The following LRRC63 variants were observed in gnomAD, a reference collection of about 807,000 sequenced individuals.
LRRC63 encodes leucine rich repeat containing 63.
A neutral mutation model predicts 49.5 loss-of-function variants in LRRC63; 40 were observed. The ratio of observed to expected loss-of-function variants is 0.81; its 90% confidence interval spans 0.63 to 1.05. LRRC63 has a LOEUF of 1.05. LRRC63 is among the 50% of genes least tolerant of loss of function. LRRC63 has a pLI of 0.00. For synonymous variants in LRRC63, 191 were observed against 221.1 expected (o/e 0.86, Z 1.21); for missense variants, 636 against 663.1 (o/e 0.96, Z 0.45).
intron 6 of LRRC63, among the ~76,000 whole-genome samples, chr13:46,249,574 T>C (rs2047317127): frequency 6.6e-6 from 1 of 151,758 alleles, no homozygotes; most frequent in Admixed American, 6.6e-5. Flanking sequence ...CTTTAGAAAA[T>C]ATGAATGGCT....
At chr13:46,229,966 T>A (rs891548964) in intron 4 of LRRC63, among the ~76,000 whole-genome samples, 1 of 151,064 alleles carries the variant, frequency 6.6e-6, no homozygotes, top group Non-Finnish European at 1.5e-5. Flanking sequence ...AGAGAGAGAG[T>A]GGTGTGCGGT....
At chr13:46,234,298 C>T in exon 5 of LRRC63, 5 of 1,550,214 alleles carry the variant, frequency 3.2e-6, no homozygotes, top group Non-Finnish European at 4.4e-6. Flanking sequence ...CCATGACCAA[C>T]CTGGCCATAG....
chr13:46,217,991 T>G (rs1448973362), intron 2 of LRRC63, among the ~76,000 whole-genome samples: 3 of 152,220 alleles, frequency 2.0e-5, no homozygotes, highest in Non-Finnish European at 4.4e-5. Flanking sequence ...TCCGTTATTT[T>G]GCATTTTCTG....
chr13:46,253,127 A>C (rs2047427311), intron 7 of LRRC63, among the ~76,000 whole-genome samples: 1 of 152,026 alleles, frequency 6.6e-6, no homozygotes, highest in African/African-American at 2.4e-5. Flanking sequence ...AGCATGGAGA[A>C]GGAGGAACAA....
At chr13:46,249,183 A>G (rs923122822) in intron 6 of LRRC63, among the ~76,000 whole-genome samples, 1 of 151,874 alleles carries the variant, frequency 6.6e-6, no homozygotes, top group Non-Finnish European at 1.5e-5. Context: ...AATCTTTTAA[A>G]AAAGAAGAAA....
At chr13:46,263,351 A>G (rs1594094581) in intron 8 of LRRC63, among the ~76,000 whole-genome samples, 1 of 151,438 alleles carries the variant, frequency 6.6e-6, no homozygotes, top group South Asian at 2.1e-4. Flanking sequence ...ATTTTTTTAT[A>G]TTTTGTAGAG....
In LRRC63 at chr13:46,255,645, A is replaced by AATATATATATATATATATATAT. The variant is rs142798828; in HGVS notation, c.1226+5175_1226+5176insTATATATATATATATATATATA. Among the ~76,000 whole-genome samples, 51 of 129,436 alleles carry AATATATATATATATATATATAT rather than the reference A, an allele frequency of 3.9e-4. 1 individual carries two copies. The highest frequency in any genetic ancestry group is 8.3e-4 in the Admixed American group (10 of 12,022). 84.9% of individuals were successfully genotyped at this position (129,436 alleles called of 152,430 possible). On this transcript the variant is annotated intron_variant, in intron 7 of 9. Coordinates refer to ENST00000595396, the Ensembl canonical transcript of LRRC63. ...GGCAACAGAGTAAGACCCTGCCTCA[A>AATATATATATATATATATATAT]ATATATATATATATATATATAGTTA...
intron 5 of LRRC63, among the ~76,000 whole-genome samples, chr13:46,241,657 G>A (rs112725614): frequency 0.012 from 1,829 of 152,152 alleles, 19 homozygotes; most frequent in Middle Eastern, 0.027. Flanking sequence ...TAAAAAGTGG[G>A]CAAAGGCCAT....
chr13:46,221,840 C>A (rs1044236892), intron 2 of LRRC63, among the ~76,000 whole-genome samples: 4 of 152,096 alleles, frequency 2.6e-5, no homozygotes, highest in Admixed American at 1.3e-4. Flanking sequence ...CCATCTCAGG[C>A]CTTGGACGTT....
chr13:46,227,819 A>G (rs1594026069), exon 3 of LRRC63: 1 of 1,550,152 alleles, frequency 6.5e-7, no homozygotes. Context: ...TGGAAAGTTC[A>G]AGAAAGTTTA....
chr13:46,220,838 C>G (rs1019529973), intron 2 of LRRC63, among the ~76,000 whole-genome samples: 3 of 152,200 alleles, frequency 2.0e-5, no homozygotes, highest in African/African-American at 7.2e-5. Flanking sequence ...CACAGTCCCT[C>G]AAGGCTTCTC....
intron 5 of LRRC63, among the ~76,000 whole-genome samples, chr13:46,241,414 C>A (rs1226018381): frequency 6.6e-6 from 1 of 152,038 alleles, no homozygotes; most frequent in Non-Finnish European, 1.5e-5. Flanking sequence ...TAGGAATGAG[C>A]AAAGATTTAA....
intron 7 of LRRC63, among the ~76,000 whole-genome samples, chr13:46,258,341 G>T (rs1363017035): frequency 6.7e-6 from 1 of 149,880 alleles, no homozygotes; most frequent in Admixed American, 6.6e-5. Context: ...ATATTGGCCA[G>T]GCTGGTCTTG....
intron 9 of LRRC63, among the ~76,000 whole-genome samples, chr13:46,267,734 T>G (rs1307638248): frequency 6.6e-6 from 1 of 152,158 alleles, no homozygotes; most frequent in African/African-American, 2.4e-5. Flanking sequence ...GGTATTAAGA[T>G]GTCAATATTC....
intron 9 of LRRC63, among the ~76,000 whole-genome samples, chr13:46,274,937 A>G (rs1484375485): frequency 6.6e-6 from 1 of 151,800 alleles, no homozygotes; most frequent in Non-Finnish European, 1.5e-5. Flanking sequence ...GAACACTAAA[A>G]CTCCTATCTA....
intron 9 of LRRC63, among the ~76,000 whole-genome samples, chr13:46,275,466 G>A (rs566972895): frequency 6.6e-6 from 1 of 151,864 alleles, no homozygotes; most frequent in Non-Finnish European, 1.5e-5. Context: ...TCTTTTCTGC[G>A]TCTTTACCAG....
intron 8 of LRRC63, among the ~76,000 whole-genome samples, chr13:46,263,171 AATTT>A (rs67913624): frequency 0.36 from 53,686 of 150,142 alleles, 9,951 homozygotes; most frequent in East Asian, 0.57. Flanking sequence ...TAAATTTTTG[AATTT>A]ATTTTATTTT....
At chr13:46,229,320 T>C (rs538174535) in intron 4 of LRRC63, among the ~76,000 whole-genome samples, 117 of 152,340 alleles carry the variant, frequency 7.7e-4, no homozygotes, top group Non-Finnish European at 1.4e-3. Context: ...CAAAATCAAC[T>C]ATTAAAGCTG....
chr13:46,246,623 G>T lies in LRRC63; in HGVS notation c.1087G>T (p.Glu363Ter), dbSNP rs773322617. Residue 363 changes from glutamate (E) to a stop codon, truncating the protein, a stop_gained and splice_region_variant, in exon 6 of 10, where the codon GAA (glutamate) becomes TAA (stop). Transcript: ENST00000595396. LOFTEE classifies it high-confidence loss of function. ...TAATGATCTTCATTACTTTCCCACA[G>T]AAGTGAGTCAACTTTTATTGTTATG... The T allele has an allele frequency of 2.9e-6, 4 of 1,382,940 alleles. No homozygotes were observed. The South Asian group carries it at 4.9e-5, about 17-fold the overall frequency. 85.7% of individuals were successfully genotyped at this position (1,382,940 alleles called of 1,614,324 possible).
Sources: gnomAD v4.1 joint callset for allele counts (sites outside exome capture counted in the v4.1 genomes callset) on GRCh38, gnomAD v4.1.1 for gene constraint, MANE v1.5 for transcripts, NCBI Gene and HGNC (gene_info 2026-07-23, HGNC 2026-07-21) for gene names.